Variants in LBX2 observed in about 807,000 individuals in gnomAD.
The protein encoded by LBX2 is transcription factor LBX2.
A neutral mutation model predicts 7.5 loss-of-function variants in LBX2; 6 were observed. The observed-to-expected ratio is 0.80, with a 90% confidence interval of 0.44 to 1.59. LBX2 has a LOEUF of 1.59. Ranked by LOEUF, LBX2 falls within the 40% of genes most tolerant of loss-of-function variation. LBX2 has a pLI of 0.01. For missense variants in LBX2, 281 were observed against 282.0 expected, an observed-to-expected ratio of 1.00 and a Z score of 0.03; for synonymous variants, 143 against 133.2, an observed-to-expected ratio of 1.07 and a Z score of -0.51.
At position 74,498,326 on chromosome 2, in the gene LBX2, G is replaced by A. The variant is rs745532821; in HGVS notation, c.206-8C>T. 16 of 1,503,700 alleles carry A rather than the reference G, an allele frequency of 1.1e-5. No individual in the cohort carries two copies. In the East Asian group the frequency reaches 3.2e-4, roughly 30 times the overall value. 93.1% of individuals were successfully genotyped at this position (1,503,700 alleles called of 1,614,324 possible). A position where few individuals can be genotyped will look rare whatever the true frequency, so the allele number is the denominator to read the frequency against. On this transcript the variant is annotated splice_polypyrimidine_tract_variant and splice_region_variant and intron_variant, in intron 1 of 1. Coordinates refer to ENST00000377566, the MANE Select transcript of LBX2 (RefSeq NM_001282430.2). ...CGTCCGGACCTGCCCGCCCTGTAGG[G>A]ATAGGGAGGGGGTCAGTTTCCAGCC...
chr2:74,499,841 C>A (rs2104303735), upstream of LBX2: 3 of 430,856 alleles, frequency 7.0e-6, no homozygotes, highest in South Asian at 6.5e-5. The surrounding 1 kb of genome is among the most constrained non-coding windows in gnomAD (Gnocchi z 4.6). Context: ...GGCGCTGCAC[C>A]GTGCACAGTC....
At chr2:74,500,757 A>AC (rs1479140286), upstream of LBX2, among the ~76,000 whole-genome samples, 1 of 151,904 alleles carries the variant, frequency 6.6e-6, no homozygotes, top group Non-Finnish European at 1.5e-5. Context: ...CCTACATTCC[A>AC]CCCCAAACAG....
At chr2:74,498,892 T>C (rs745431234) in intron 1 of LBX2, 4 of 215,852 alleles carry the variant, frequency 1.9e-5, no homozygotes, top group Non-Finnish European at 2.8e-5. Context: ...AAGGGCTTTC[T>C]GCTCCTTGAC....
upstream of LBX2, chr2:74,499,813 G>A (rs1449374603): frequency 5.5e-6 from 3 of 542,264 alleles, no homozygotes; most frequent in East Asian, 9.5e-5. This position sits in a 1 kb window ranked among gnomAD's most constrained non-coding sequence, Gnocchi z 4.6. Flanking sequence ...AGGGCCACGG[G>A]GCTGCTCCGC....
At chr2:74,500,531 C>T (rs114590181), upstream of LBX2, among the ~76,000 whole-genome samples, 1,463 of 152,310 alleles carry the variant, frequency 9.6e-3, 25 homozygotes, top group African/African-American at 0.034. Flanking sequence ...TTCACGGACC[C>T]AGCTGGATCT....
In LBX2 at chr2:74,499,464, A is replaced by T. The variant is rs1572973163; in HGVS notation, c.74T>A (p.Val25Asp). 3.9e-6 allele frequency: 6 copies of T among 1,550,432 alleles called. No homozygotes were observed. In the East Asian group the frequency reaches 1.5e-4, roughly 38 times the overall value. ...CTGCGGCGCAGAGGGTGCTCGGGGG[A>T]CCATGCGCGGGGCTAGGATGTCTGC... ...SIADILAPRMVPRAPSAPQLP... is the reference protein window; with the variant it reads ...SIADILAPRMDPRAPSAPQLP... Residue 25 changes from valine (V) to aspartate (D), a missense_variant, in exon 1 of 2, where the codon GTC (valine) becomes GAC (aspartate). Val to Asp is a radical substitution (Grantham distance 152). Coordinates refer to ENST00000377566, the MANE Select transcript of LBX2 (RefSeq NM_001282430.2). This position sits in a 1 kb window ranked among gnomAD's most constrained non-coding sequence, Gnocchi z 4.6.
At position 74,499,166 on chromosome 2, in the gene LBX2, G is replaced by A. The variant is rs958600640; in HGVS notation, c.205+167C>T. The A allele has an allele frequency of 9.2e-6, 6 of 652,560 alleles. No individual in the cohort carries two copies. In the South Asian group the frequency reaches 9.6e-5, roughly 10 times the overall value. 40.4% of individuals were successfully genotyped at this position (652,560 alleles called of 1,614,324 possible). On this transcript the variant is annotated intron_variant, in intron 1 of 1. Coordinates refer to ENST00000377566, the MANE Select transcript of LBX2 (RefSeq NM_001282430.2). This position sits in a 1 kb window ranked among gnomAD's most constrained non-coding sequence, Gnocchi z 4.6. ...GCCGCCGCGGAACCTAGGGACTAAC[G>A]GAGGAGAGGTGAGAAGTCGCAGGTG...
At chr2:74,498,378 GA>G in intron 1 of LBX2, 60 bp from the exon 2 acceptor site, 1 of 1,414,228 alleles carries the variant, frequency 7.1e-7, no homozygotes, top group Non-Finnish European at 9.3e-7. Context: ...GGCCTGGAAA[GA>G]AAAGTTGGGG....
rs1187302655 is a variant in LBX2, at chr2:74,498,255, G to T, written c.269C>A (p.Thr90Asn). The T allele has an allele frequency of 8.1e-6, 13 of 1,599,098 alleles. No homozygotes were observed. In the Admixed American group the frequency reaches 1.3e-4, roughly 17 times the overall value. ...PFGRKRRKSR[T>N]AFTAQQVLEL... ...CAGCACCTGTTGCGCGGTGAACGCA[G>T]TGCGTGACTTGCGCCGTTTGCGGCC... Residue 90 changes from threonine to asparagine, a missense_variant, in exon 2 of 2, where the codon ACT becomes AAT. This residue lies in a region of LBX2 where 216 missense variants were observed against 208.7 expected (regional missense o/e 1.03). Transcript: ENST00000377566.
At chr2:74,502,292 G>T (rs561886811), upstream of LBX2, 1,582 of 232,948 alleles carry the variant, frequency 6.8e-3, 20 homozygotes, top group Non-Finnish European at 8.6e-3. The surrounding 1 kb of genome is among the most constrained non-coding windows in gnomAD (Gnocchi z 5.4). Flanking sequence ...CCTCCACCCC[G>T]GGCCGCCCCC....
upstream of LBX2, chr2:74,502,828 A>G (rs1426597122): frequency 6.2e-7 from 1 of 1,612,856 alleles, no homozygotes; most frequent in African/African-American, 1.3e-5. The surrounding 1 kb of genome is among the most constrained non-coding windows in gnomAD (Gnocchi z 5.4). Context: ...CAACTCCCCA[A>G]GACTCACTTC....
upstream of LBX2, chr2:74,502,640 C>A: frequency 6.2e-7 from 1 of 1,608,956 alleles, no homozygotes. This position sits in a 1 kb window ranked among gnomAD's most constrained non-coding sequence, Gnocchi z 5.4. Flanking sequence ...GCGGAGTGAA[C>A]CGGTCCTTAT....
chr2:74,498,989 G>T (rs1488097834), intron 1 of LBX2: 2 of 341,286 alleles, frequency 5.9e-6, no homozygotes, highest in Non-Finnish European at 1.1e-5. Context: ...GCCTTTGCAG[G>T]CTCACTCGTT....
In LBX2 at chr2:74,499,433, T is replaced by C. The variant is rs1362916870; in HGVS notation, c.105A>G (p.Pro35=). ...GCGACGTTGGACCCGGACCCGACTC[T>C]GGAAGCTGCGGCGCAGAGGGTGCTC... ...VPRAPSAPQL[P]ESGPGPTSPL... Residue 35 remains proline, a synonymous_variant, in exon 1 of 2, where the codon CCA becomes CCG. Coordinates refer to ENST00000377566, the MANE Select transcript of LBX2 (RefSeq NM_001282430.2). The surrounding 1 kb of genome is among the most constrained non-coding windows in gnomAD (Gnocchi z 4.6). 1.2e-5 allele frequency: 18 copies of C among 1,550,448 alleles called. No individual in the cohort carries two copies. In the Admixed American group the frequency reaches 2.4e-4, roughly 20 times the overall value.
upstream of LBX2, chr2:74,502,716 G>A: frequency 6.2e-7 from 1 of 1,614,070 alleles, no homozygotes. The surrounding 1 kb of genome is among the most constrained non-coding windows in gnomAD (Gnocchi z 5.4). Context: ...ACGCTGTTTT[G>A]CAAAGATCTC....
At position 74,499,185 on chromosome 2, in the gene LBX2, G is replaced by T; in HGVS notation, c.205+148C>A. On this transcript the variant is annotated intron_variant, in intron 1 of 1. Transcript: ENST00000377566. The surrounding 1 kb of genome is among the most constrained non-coding windows in gnomAD (Gnocchi z 4.6). ...ACTAACGGAGGAGAGGTGAGAAGTC[G>T]CAGGTGCGAGTCCTGGCACGTGGGC... 1 of 700,948 alleles carries T rather than the reference G, an allele frequency of 1.4e-6. No individual in the cohort carries two copies. The highest frequency in any genetic ancestry group is 2.4e-6 in the Non-Finnish European group (1 of 414,676). The allele number at this position is 700,948 out of a possible 1,614,324, so 43.4% of individuals were successfully genotyped here.
At position 74,499,022 on chromosome 2, in the gene LBX2, T is replaced by G; in HGVS notation, c.205+311A>C. On this transcript the variant is annotated intron_variant, in intron 1 of 1. Transcript: ENST00000377566. The surrounding 1 kb of genome is among the most constrained non-coding windows in gnomAD (Gnocchi z 4.6). Reference sequence around the variant, plus strand: ...GTTTACCGCCTGCGGCTGAAGCCTTTTGTCTCTTTCTCTCCTGCCTTTCTC... The same window carrying G: ...GTTTACCGCCTGCGGCTGAAGCCTTGTGTCTCTTTCTCTCCTGCCTTTCTC... The G allele has an allele frequency of 2.3e-6, 1 of 430,400 alleles. No homozygotes were observed. Among genetic ancestry groups the G allele is most frequent in the Non-Finnish European group, 4.2e-6 (1 of 239,942 alleles). 26.7% of individuals were successfully genotyped at this position (430,400 alleles called of 1,614,324 possible).
Position 74,499,248 on chromosome 2 carries a change from G to A in LBX2, c.205+85C>T. 3 of 1,278,720 alleles carry A rather than the reference G, an allele frequency of 2.3e-6. No individual in the cohort carries two copies. 79.2% of individuals were successfully genotyped at this position (1,278,720 alleles called of 1,614,324 possible). On this transcript the variant is annotated intron_variant, in intron 1 of 1. Coordinates refer to ENST00000377566, the MANE Select transcript of LBX2 (RefSeq NM_001282430.2). This position sits in a 1 kb window ranked among gnomAD's most constrained non-coding sequence, Gnocchi z 4.6. ...AGGATTAGGGTGGGTGGCCTGGGCTGGGACAAAGGTTTGAGACGGGGAACC... is the reference window on the plus strand; with the variant it reads ...AGGATTAGGGTGGGTGGCCTGGGCTAGGACAAAGGTTTGAGACGGGGAACC...
chr2:74,498,904 C>A, intron 1 of LBX2: 1 of 222,618 alleles, frequency 4.5e-6, no homozygotes, highest in African/African-American at 2.3e-5. Context: ...CTCCTTGACT[C>A]CCCTCGAGAA....
Sources: allele counts gnomAD v4.1 joint callset (sites outside exome capture counted in the v4.1 genomes callset), GRCh38; gene constraint gnomAD v4.1.1; regional missense constraint gnomAD v4.1.1; non-coding constraint Gnocchi (gnomAD v3.1); transcripts MANE v1.5; gene names NCBI Gene and HGNC (gene_info 2026-07-23, HGNC 2026-07-21).